The following KTN1 variants were observed in gnomAD, a reference collection of about 807,000 sequenced individuals.
KTN1 encodes kinectin.
A neutral mutation model predicts 222.5 loss-of-function variants in KTN1; 130 were observed. The observed-to-expected ratio is 0.58, with a 90% CI of 0.51 to 0.68. KTN1 has a LOEUF of 0.68. Among genes scored for constraint, KTN1 ranks in the 30% least tolerant of loss-of-function variants. The pLI is 0.00. For missense variants in KTN1, 1,508 were observed against 1,500.4 expected (o/e 1.01, Z -0.08); for synonymous variants, 512 against 496.3 (o/e 1.03, Z -0.42).
At chr14:55,588,927 T>C (rs748438984) in intron 1 of KTN1, among the ~76,000 whole-genome samples, 3 of 152,130 alleles carry the variant, frequency 2.0e-5, no homozygotes, top group Non-Finnish European at 2.9e-5. Flanking sequence ...TCCCTGTGAG[T>C]TTTTTTCATA....
At chr14:55,646,441 CT>C (rs200055096) in intron 18 of KTN1, among the ~76,000 whole-genome samples, 27,867 of 119,758 alleles carry the variant, frequency 0.23, 4,884 homozygotes, top group South Asian at 0.31. Context: ...CTTTCCTTTC[CT>C]TTTCCTTTTC....
At chr14:55,599,048 G>A (rs2035536222) in intron 1 of KTN1, among the ~76,000 whole-genome samples, 1 of 151,818 alleles carries the variant, frequency 6.6e-6, no homozygotes, top group South Asian at 2.1e-4. Flanking sequence ...TTTTTTAATC[G>A]TCTGTCTTGT....
Position 55,637,354 on chromosome 14 carries a change from T to C in KTN1, c.1706T>C (p.Met569Thr). Residue 569 changes from methionine to threonine, a missense_variant, in exon 11 of 44, where the codon ATG becomes ACG. Physicochemically the swap from Met to Thr is moderately conservative, Grantham distance 81. Coordinates refer to ENST00000395314, the MANE Select transcript of KTN1 (RefSeq NM_001079521.2). ...GTGAACAAAGAAGAGTCTCTACAAA[T>C]GCAGGTTCAGGTATTTTTTCTTCTT... The part of the protein sequence containing the change: ...KRVNKEESLQ[M>T]QVQDILEQNE... 6.4e-7 allele frequency: 1 copy of C among 1,554,394 alleles called. No individual in the cohort carries two copies. The highest frequency in any genetic ancestry group is 8.7e-7 in the Non-Finnish European group (1 of 1,153,504).
At position 55,670,787 on chromosome 14, in the gene KTN1, C is replaced by T. The variant is rs2045373518; in HGVS notation, c.3326C>T (p.Thr1109Ile). The T allele has an allele frequency of 6.2e-7, 1 of 1,608,180 alleles. No homozygotes were observed. Among genetic ancestry groups the T allele is most frequent in the African/African-American group, 1.3e-5 (1 of 74,532 alleles). The change falls in exon 35 of 44, where the codon ACT becomes ATT. Residue 1109 changes from threonine (T) to isoleucine (I), a missense_variant. Coordinates refer to ENST00000395314, the MANE Select transcript of KTN1 (RefSeq NM_001079521.2). ...AAGGCAAAAGAATGTATGGCTGGAA[C>T]TTCAGGGTCAGAGGAGGTTAAGGTT... Reference protein sequence around the residue: ...EKKAKECMAGTSGSEEVKVLE... With the variant: ...EKKAKECMAGISGSEEVKVLE...
chr14:55,656,365 G>T, intron 29 of KTN1: 2 of 382,068 alleles, frequency 5.2e-6, no homozygotes, highest in Non-Finnish European at 4.7e-6. Flanking sequence ...TGTATATTTT[G>T]CTTTCTTCAC....
intron 33 of KTN1, among the ~76,000 whole-genome samples, chr14:55,665,932 TG>T (rs2044688699): frequency 6.6e-6 from 1 of 151,980 alleles, no homozygotes; most frequent in African/African-American, 2.4e-5. Flanking sequence ...TTTTTTTCCT[TG>T]GAAAGTTTTC....
At position 55,646,974 on chromosome 14, in the gene KTN1, C is replaced by A; in HGVS notation, c.2174C>A (p.Pro725His). The change falls in exon 19 of 44, where the codon CCT (proline) becomes CAT (histidine). Residue 725 changes from proline to histidine, a missense_variant and splice_region_variant. By Grantham distance (77) the Pro-to-His change is moderately conservative. Coordinates refer to ENST00000395314, the MANE Select transcript of KTN1 (RefSeq NM_001079521.2). ...QKLQTLVSEQ[P>H]NKDVVEQMEK... The stretch of plus-strand genomic sequence containing the variant: ...TTTTTTTGGTGATTTTTATTTTAGC[C>A]TAATAAGGATGTTGTGGAACAAATG... 1.3e-6 allele frequency: 2 copies of A among 1,528,130 alleles called. No individual in the cohort carries two copies. Among genetic ancestry groups the A allele is most frequent in the Non-Finnish European group, 1.8e-6 (2 of 1,105,384 alleles). 94.7% of individuals were successfully genotyped at this position (1,528,130 alleles called of 1,614,324 possible).
In KTN1 at chr14:55,592,586, C is replaced by T. The variant is rs139721409; in HGVS notation, c.-31+12232C>T. ...TGTGTGTCCTTAAACCAATTTTTGG[C>T]GCATACTGAGGGATGACTGTATGTA... On this transcript the variant is annotated intron_variant, in intron 1 of 43. Transcript: ENST00000395314. 3.2e-4 allele frequency among the ~76,000 whole-genome samples: 49 copies of T among 152,174 alleles called. 1 individual carries two copies. The East Asian group carries it at 9.1e-3, about 28-fold the overall frequency.
At chr14:55,682,132 AT>A (rs1249560131) in intron 43 of KTN1, 2 of 152,186 alleles carry the variant, frequency 1.3e-5, no homozygotes, top group African/African-American at 4.8e-5. Context: ...AAGAAATAAT[AT>A]GCATTGATGT....
intron 29 of KTN1, chr14:55,656,356 G>A (rs946455737): frequency 2.5e-6 from 1 of 397,260 alleles, no homozygotes; most frequent in African/African-American, 2.1e-5. Context: ...ATACTAACTT[G>A]TATATTTTGC....
chr14:55,664,631 A>G (rs1213786762), intron 33 of KTN1, among the ~76,000 whole-genome samples: 2 of 152,164 alleles, frequency 1.3e-5, no homozygotes, highest in African/African-American at 4.8e-5. Flanking sequence ...TCTCTTGACC[A>G]GAGTATGTAA....
chr14:55,622,709 C>T (rs1313538383), intron 5 of KTN1, among the ~76,000 whole-genome samples: 4 of 152,174 alleles, frequency 2.6e-5, no homozygotes, highest in Admixed American at 1.3e-4. Flanking sequence ...CTACAGTAGT[C>T]TCCAGATTGA....
rs185097409 is a variant in KTN1, at chr14:55,602,633, G to C, written c.-30-9386G>C. Among the ~76,000 whole-genome samples the C allele has an allele frequency of 6.6e-4, 100 of 151,256 alleles. 1 individual carries two copies. Among genetic ancestry groups the C allele is most frequent in the Middle Eastern group, 3.5e-3 (1 of 288 alleles). On this transcript the variant is annotated intron_variant, in intron 1 of 43. Transcript: ENST00000395314. Reference sequence around the variant, plus strand: ...GTCTCCCTCTGTCGCCCATGTTAGAGTGCAGAGGTGAAATCATGGCTTACT... The same window carrying C: ...GTCTCCCTCTGTCGCCCATGTTAGACTGCAGAGGTGAAATCATGGCTTACT...
chr14:55,652,890 GT>G lies in KTN1; in HGVS notation c.2648del (p.Leu883TrpfsTer8). 6.2e-7 allele frequency: 1 copy of G among 1,611,052 alleles called. No homozygotes were observed. The highest frequency in any genetic ancestry group is 8.5e-7 in the Non-Finnish European group (1 of 1,177,962). On this transcript the variant is annotated frameshift_variant, in exon 26 of 44. Coordinates refer to ENST00000395314, the MANE Select transcript of KTN1 (RefSeq NM_001079521.2). LOFTEE classifies it high-confidence loss of function. ...KEEQMNTMKA[V>X]LEEKEKDLAN... ...GGAACAGATGAATACCATGAAGGCT[GT>G]TTTGGAAGAGAAAGAGAAAGACCTA...
chr14:55,589,333 C>T (rs1158382911), intron 1 of KTN1, among the ~76,000 whole-genome samples: 1 of 152,174 alleles, frequency 6.6e-6, no homozygotes, highest in Non-Finnish European at 1.5e-5. Context: ...GCGTCTCGCT[C>T]TGTCACCCAG....
Position 55,619,171 on chromosome 14 carries a change from T to C in KTN1, c.833-11T>C. On this transcript the variant is annotated splice_polypyrimidine_tract_variant and intron_variant, in intron 4 of 43. Transcript: ENST00000395314. Reference sequence around the variant, plus strand: ...GCCAACTCTTTGTTTGTTTGTTTTTTTCAAATTAAGAAAATGCTGAAGTGA... The same window carrying C: ...GCCAACTCTTTGTTTGTTTGTTTTTCTCAAATTAAGAAAATGCTGAAGTGA... The C allele has an allele frequency of 1.3e-6, 2 of 1,594,744 alleles. No individual in the cohort carries two copies. The highest frequency in any genetic ancestry group is 2.2e-5 in the South Asian group (2 of 89,644).
In KTN1 at chr14:55,646,499, CCTTT is replaced by C. The variant is rs1566788930; in HGVS notation, c.2173-472_2173-469del. ...CCTTTCCTTTCCTTTCCTTTCCTTT[CCTTT>C]CCTTTCCTTTCCTTTCCTTTCCTTT... On this transcript the variant is annotated intron_variant, in intron 18 of 43. Transcript: ENST00000395314. 2.3e-3 allele frequency among the ~76,000 whole-genome samples: 248 copies of C among 108,176 alleles called. 3 individuals are homozygous for C. Among genetic ancestry groups the C allele is most frequent in the African/African-American group, 7.9e-3 (208 of 26,302 alleles). 71.0% of individuals were successfully genotyped at this position (108,176 alleles called of 152,430 possible).
At chr14:55,588,375 C>G (rs2033455413) in intron 1 of KTN1, among the ~76,000 whole-genome samples, 1 of 152,132 alleles carries the variant, frequency 6.6e-6, no homozygotes, top group African/African-American at 2.4e-5. Context: ...AGTAATTCAA[C>G]TTTTCCTTGT....
At chr14:55,680,867 A>T (rs563489988) in intron 43 of KTN1, 99 of 439,564 alleles carry the variant, frequency 2.3e-4, no homozygotes, top group South Asian at 1.8e-3. Context: ...CAGTTTCCCA[A>T]TGTAAAAATT....
Sources: gnomAD v4.1 joint callset for allele counts (sites outside exome capture counted in the v4.1 genomes callset) on GRCh38, gnomAD v4.1.1 for gene constraint, MANE v1.5 for transcripts, NCBI Gene and HGNC (gene_info 2026-07-23, HGNC 2026-07-21) for gene names.